PPP1R36: variants seen among roughly 807,000 people sequenced by gnomAD.
PPP1R36 encodes the protein protein phosphatase 1 regulatory subunit 36.
Under a neutral mutation model 53.4 loss-of-function variants are expected in PPP1R36, and 47 were observed. That is an observed-to-expected ratio of 0.88 (90% CI 0.70 to 1.12). PPP1R36 has a LOEUF of 1.12. Ranked by LOEUF, PPP1R36 falls within the 50% of genes most tolerant of loss-of-function variation. The pLI is 0.00. For missense variants in PPP1R36, 456 were observed against 513.9 expected (o/e 0.89, Z 1.09); for synonymous variants, 153 against 170.5 (o/e 0.90, Z 0.80).
chr14:64,574,105 A>G (rs1474722292), intron 7 of PPP1R36, among the ~76,000 whole-genome samples: 2 of 151,514 alleles, frequency 1.3e-5, no homozygotes, highest in Non-Finnish European at 2.9e-5. Context: ...GGCTGGGCAC[A>G]CTGGCTCACG....
At position 64,575,171 on chromosome 14, in the gene PPP1R36, C is replaced by G. The variant is rs575562267; in HGVS notation, c.668+582C>G. ...ACTCAGAATCTCCTTCTCTGAGTTT[C>G]ACAACAGGCCCCAGATCTACCTCAT... On this transcript the variant is annotated intron_variant, in intron 8 of 11. Transcript: ENST00000298705. Among the ~76,000 whole-genome samples, 3 of 152,020 alleles carry G rather than the reference C, an allele frequency of 2.0e-5. No individual in the cohort carries two copies. The South Asian group carries it at 6.2e-4, about 32-fold the overall frequency.
At chr14:64,562,590 A>G (rs2080213745) in intron 3 of PPP1R36, among the ~76,000 whole-genome samples, 1 of 152,136 alleles carries the variant, frequency 6.6e-6, no homozygotes, top group Non-Finnish European at 1.5e-5. Context: ...CAAGCTAGAG[A>G]ATGACTTCAG....
intron 7 of PPP1R36, among the ~76,000 whole-genome samples, chr14:64,570,431 G>A (rs539575225): frequency 3.9e-5 from 6 of 152,122 alleles, no homozygotes; most frequent in South Asian, 4.2e-4. Context: ...GCAGTGAGCC[G>A]AGATGGCACC....
At chr14:64,550,221 T>TAA in intron 1 of PPP1R36, 155 bp downstream of exon 1, 1 of 1,360,006 alleles carries the variant, frequency 7.4e-7, no homozygotes, top group Admixed American at 3.2e-5. Context: ...CATATTTGCC[T>TAA]AGAAAAAAAA....
At chr14:64,554,579 A>G (rs937959271) in intron 3 of PPP1R36, among the ~76,000 whole-genome samples, 5 of 152,154 alleles carry the variant, frequency 3.3e-5, no homozygotes, top group African/African-American at 1.2e-4. Context: ...AGACAGTGCT[A>G]CTGGAGACTT....
intron 3 of PPP1R36, among the ~76,000 whole-genome samples, chr14:64,553,479 C>T (rs1050279957): frequency 5.3e-5 from 8 of 152,048 alleles, no homozygotes; most frequent in Admixed American, 1.3e-4. Flanking sequence ...AGAATAGCTA[C>T]GTGATGGTAT....
Position 64,564,710 on chromosome 14 carries a change from T to C in PPP1R36, c.183-41T>C, listed in dbSNP as rs189433893. On this transcript the variant is annotated intron_variant, in intron 3 of 11. Transcript: ENST00000298705. ...TGATATGATTTGACTTGTTTTCCCCTGGAAAAGGTGAAGTCCCTAATTATC... is the reference window on the plus strand; with the variant it reads ...TGATATGATTTGACTTGTTTTCCCCCGGAAAAGGTGAAGTCCCTAATTATC... 128 of 1,385,718 alleles carry C rather than the reference T, an allele frequency of 9.2e-5. No homozygotes were observed. The African/African-American group carries it at 1.8e-3, about 19-fold the overall frequency. The allele number at this position is 1,385,718 out of a possible 1,614,324, so 85.8% of individuals were successfully genotyped here.
chr14:64,558,686 A>G (rs1323869799), intron 3 of PPP1R36, among the ~76,000 whole-genome samples: 1 of 150,454 alleles, frequency 6.6e-6, no homozygotes, highest in African/African-American at 2.4e-5. Flanking sequence ...CCCAGGCTAG[A>G]GTGCAGTGGT....
intron 9 of PPP1R36, 157 bp downstream of exon 9, chr14:64,587,036 C>G: frequency 2.5e-6 from 2 of 800,300 alleles, no homozygotes; most frequent in Non-Finnish European, 4.0e-6. Flanking sequence ...TGATTTTCCT[C>G]ATGCAAAAGT....
chr14:64,585,363 A>G (rs1488167921), intron 8 of PPP1R36, among the ~76,000 whole-genome samples: 19 of 151,952 alleles, frequency 1.3e-4, no homozygotes, highest in Admixed American at 1.2e-3. Flanking sequence ...AAAAAATACA[A>G]AAATTAGCTG....
chr14:64,589,067 T>TAC, intron 11 of PPP1R36, 85 bp from the exon 12 acceptor site: 2 of 993,378 alleles, frequency 2.0e-6, no homozygotes, highest in Non-Finnish European at 3.1e-6. Flanking sequence ...CACACATACA[T>TAC]ACACACAACC....
In PPP1R36 at chr14:64,588,922, G is replaced by A. The variant is rs188403036; in HGVS notation, c.1083-230G>A. Among the ~76,000 whole-genome samples the A allele has an allele frequency of 1.5e-4, 23 of 152,166 alleles. No individual in the cohort carries two copies. The East Asian group carries it at 4.2e-3, about 28-fold the overall frequency. Reference sequence around the variant, plus strand: ...AGTAGAATCACCTTTGAGAAATGTGGGAAGCGCTAGTACAAAATCTTGCTA... The same window carrying A: ...AGTAGAATCACCTTTGAGAAATGTGAGAAGCGCTAGTACAAAATCTTGCTA... On this transcript the variant is annotated intron_variant, in intron 11 of 11. Transcript: ENST00000298705.
At chr14:64,566,022 C>A (rs902484014) in intron 6 of PPP1R36, among the ~76,000 whole-genome samples, 1 of 152,216 alleles carries the variant, frequency 6.6e-6, no homozygotes, top group Non-Finnish European at 1.5e-5. Context: ...GTAATCCCAA[C>A]ATTTTGGGAG....
chr14:64,555,760 A>G (rs1055962622), intron 3 of PPP1R36, among the ~76,000 whole-genome samples: 2 of 152,178 alleles, frequency 1.3e-5, no homozygotes, highest in African/African-American at 4.8e-5. Flanking sequence ...CTAATAAGCA[A>G]AAACAAAGCA....
chr14:64,553,022 T>G, intron 3 of PPP1R36, 161 bp downstream of exon 3: 1 of 558,868 alleles, frequency 1.8e-6, no homozygotes, highest in Non-Finnish European at 3.2e-6. Flanking sequence ...CCCAGGCTGG[T>G]GGACAGTGGC....
chr14:64,567,819 G>T (rs1487742440), intron 6 of PPP1R36, among the ~76,000 whole-genome samples: 1 of 151,946 alleles, frequency 6.6e-6, no homozygotes, highest in Non-Finnish European at 1.5e-5. Flanking sequence ...GCACCACCAC[G>T]CCCGGCTAAT....
At chr14:64,551,895 T>A (rs1422200194) in intron 2 of PPP1R36, among the ~76,000 whole-genome samples, 1 of 152,152 alleles carries the variant, frequency 6.6e-6, no homozygotes, top group Non-Finnish European at 1.5e-5. Flanking sequence ...TCTGCTAGAT[T>A]CAAGCAGAGG....
At chr14:64,557,264 A>G (rs2080163121) in intron 3 of PPP1R36, among the ~76,000 whole-genome samples, 1 of 152,170 alleles carries the variant, frequency 6.6e-6, no homozygotes, top group Non-Finnish European at 1.5e-5. Context: ...ACCTCTGTCT[A>G]CCCTGCTCCT....
intron 3 of PPP1R36, among the ~76,000 whole-genome samples, chr14:64,559,745 G>A (rs2080189531): frequency 6.6e-6 from 1 of 152,166 alleles, no homozygotes; most frequent in Non-Finnish European, 1.5e-5. Flanking sequence ...CTGTGGTGAG[G>A]AATTGGAACT....
Sources: allele counts gnomAD v4.1 joint callset (sites outside exome capture counted in the v4.1 genomes callset), GRCh38; gene constraint gnomAD v4.1.1; transcripts MANE v1.5; gene names NCBI Gene and HGNC (gene_info 2026-07-23, HGNC 2026-07-21).